DAB1: variants seen among roughly 807,000 people sequenced by gnomAD.
DAB1 encodes the protein disabled homolog 1.
In DAB1, 15 loss-of-function variants were observed where a neutral mutation model predicts 64.6. The observed-to-expected ratio is 0.23, with a 90% confidence interval of 0.16 to 0.36. The LOEUF is 0.36. Among genes scored for constraint, DAB1 ranks in the 10% least tolerant of loss-of-function variants. The pLI is 1.00. For missense variants in DAB1, 596 were observed against 706.7 expected, an observed-to-expected ratio of 0.84 and a Z score of 1.78; for synonymous variants, 235 against 251.9, an observed-to-expected ratio of 0.93 and a Z score of 0.64.
At chr1:57,696,032 T>G (rs1646841092) in intron 6 of DAB1, among the ~76,000 whole-genome samples, 1 of 152,188 alleles carries the variant, frequency 6.6e-6, no homozygotes, top group Admixed American at 6.5e-5. Context: ...CAAGAACTAT[T>G]TGTTTGATGA....
intron 4 of DAB1, among the ~76,000 whole-genome samples, chr1:57,089,682 A>G (rs1200733328): frequency 6.6e-6 from 1 of 152,148 alleles, no homozygotes; most frequent in Non-Finnish European, 1.5e-5. Flanking sequence ...CCGTGACCCA[A>G]ACACCTCCCA....
upstream of DAB1, among the ~76,000 whole-genome samples, chr1:57,424,721 C>A (rs1371446664): frequency 1.3e-5 from 2 of 152,332 alleles, no homozygotes; most frequent in East Asian, 3.9e-4. Flanking sequence ...CGCTCCCAGC[C>A]GCCAGTGCAG....
chr1:58,506,120 C>A (rs2100416741), exon 3 of DAB1: 1 of 872,284 alleles, frequency 1.1e-6, no homozygotes, highest in East Asian at 2.4e-5. Context: ...GTGTAGATAA[C>A]CATTCTGGCA....
chr1:58,506,296 T>A (rs2100417301), intron 2 of DAB1: 1 of 684,994 alleles, frequency 1.5e-6, no homozygotes, highest in African/African-American at 1.8e-5. Context: ...TTAATTCTAT[T>A]ATAATTATAC....
At chr1:57,369,846 G>A (rs564994095) in intron 1 of DAB1, among the ~76,000 whole-genome samples, 15 of 152,290 alleles carry the variant, frequency 9.8e-5, no homozygotes, top group Admixed American at 3.9e-4. Flanking sequence ...GTGTTATAAC[G>A]ATCATCCTGA....
At chr1:57,464,103 A>G (rs140345508) in intron 7 of DAB1, among the ~76,000 whole-genome samples, 1 of 152,340 alleles carries the variant, frequency 6.6e-6, no homozygotes, top group East Asian at 1.9e-4. Context: ...AGTACTTACT[A>G]ATAAATACTG....
At chr1:58,388,169 T>C (rs1194570171) in intron 3 of DAB1, among the ~76,000 whole-genome samples, 1 of 152,210 alleles carries the variant, frequency 6.6e-6, no homozygotes, top group Admixed American at 6.5e-5. Flanking sequence ...GATTAGAGTC[T>C]TTCAGGTGCT....
At chr1:58,373,689 T>G (rs905730801) in intron 3 of DAB1, among the ~76,000 whole-genome samples, 3 of 152,164 alleles carry the variant, frequency 2.0e-5, no homozygotes, top group Non-Finnish European at 2.9e-5. Flanking sequence ...TTTGGGTATA[T>G]ACCCAGTAAT....
intron 7 of DAB1, among the ~76,000 whole-genome samples, chr1:57,458,308 A>T (rs1686670927): frequency 6.6e-6 from 1 of 151,926 alleles, no homozygotes; most frequent in Non-Finnish European, 1.5e-5. Context: ...GCTCATTTAA[A>T]TTTTTTTTAT....
At chr1:57,777,381 A>G (rs1458676265) in intron 6 of DAB1, among the ~76,000 whole-genome samples, 4 of 98,070 alleles carry the variant, frequency 4.1e-5, no homozygotes, top group East Asian at 6.8e-4. Flanking sequence ...CCATCATTCA[A>G]ATAATTTTTG....
intron 7 of DAB1, among the ~76,000 whole-genome samples, chr1:57,617,052 C>A (rs1205019905): frequency 6.6e-6 from 1 of 152,154 alleles, no homozygotes; most frequent in African/African-American, 2.4e-5. Context: ...AACTGCCTAG[C>A]CAGTGGACCG....
chr1:58,544,219 C>T (rs10889100), intron 1 of DAB1, among the ~76,000 whole-genome samples: 98,811 of 152,070 alleles, frequency 0.65, 34,195 homozygotes, highest in East Asian at 0.94. Flanking sequence ...ACGACCTTAA[C>T]CAAACATTCA....
At chr1:57,463,722 C>A (rs1030555350) in intron 7 of DAB1, among the ~76,000 whole-genome samples, 3 of 152,222 alleles carry the variant, frequency 2.0e-5, no homozygotes, top group Non-Finnish European at 4.4e-5. Context: ...CCACTCCACT[C>A]TACTGCATAC....
At chr1:57,343,465 T>G (rs2100836179) in intron 1 of DAB1, among the ~76,000 whole-genome samples, 1 of 152,268 alleles carries the variant, frequency 6.6e-6, no homozygotes, top group East Asian at 1.9e-4. Flanking sequence ...CCTGAGCCCT[T>G]GGGTGGTCGA....
At chr1:57,733,603 C>T (rs954867123) in intron 6 of DAB1, among the ~76,000 whole-genome samples, 2 of 152,028 alleles carry the variant, frequency 1.3e-5, no homozygotes, top group African/African-American at 4.8e-5. Context: ...GTAAATATGT[C>T]CAGGGATCTG....
intron 5 of DAB1, among the ~76,000 whole-genome samples, chr1:57,942,471 A>G (rs556152652): frequency 6.6e-6 from 1 of 152,330 alleles, no homozygotes; most frequent in African/African-American, 2.4e-5. Flanking sequence ...AGTATGTGAG[A>G]CAGGCAGTGT....
intron 5 of DAB1, among the ~76,000 whole-genome samples, chr1:58,014,618 G>A (rs534664668): frequency 5.3e-5 from 8 of 152,318 alleles, no homozygotes; most frequent in Admixed American, 2.6e-4. Flanking sequence ...AATTATGATT[G>A]CTTATTTATA....
intron 4 of DAB1, among the ~76,000 whole-genome samples, chr1:57,098,839 A>G (rs1010206912): frequency 3.3e-5 from 5 of 152,186 alleles, no homozygotes; most frequent in Non-Finnish European, 7.3e-5. Context: ...ATTATTTGAG[A>G]AAGAATAAAA....
chr1:58,514,512 CCCTTCCAAAGGTAAAT>C (rs576257867), intron 2 of DAB1, among the ~76,000 whole-genome samples: 40 of 152,196 alleles, frequency 2.6e-4, no homozygotes, highest in Non-Finnish European at 3.2e-4. Context: ...AGCCATCACC[CCCTTCCAAAGGTAAAT>C]CCTGACACTG....
Sources: allele counts gnomAD v4.1 joint callset (sites outside exome capture counted in the v4.1 genomes callset), GRCh38; gene constraint gnomAD v4.1.1; transcripts MANE v1.5; gene names NCBI Gene and HGNC (gene_info 2026-07-23, HGNC 2026-07-21).